Variants in RAB28 observed in about 807,000 individuals in gnomAD.
RAB28 encodes the protein RAB28, member RAS oncogene family.
Under a neutral mutation model 31.7 loss-of-function variants are expected in RAB28, and 24 were observed. The ratio of observed to expected loss-of-function variants is 0.76; its 90% confidence interval spans 0.55 to 1.06. The LOEUF (loss-of-function observed/expected upper bound fraction) is 1.06. Ranked by LOEUF, RAB28 falls within the 50% of genes least tolerant of loss-of-function variation. The pLI is 0.00. For synonymous variants in RAB28, 100 were observed against 90.4 expected, an observed-to-expected ratio of 1.11 and a Z score of -0.60; for missense variants, 254 against 258.5, an observed-to-expected ratio of 0.98 and a Z score of 0.12.
chr4:13,431,328 T>C (rs1054646161), intron 4 of RAB28, among the ~76,000 whole-genome samples: 2 of 152,070 alleles, frequency 1.3e-5, no homozygotes, highest in African/African-American at 4.8e-5. Context: ...CAAATCACAT[T>C]CCTAAGGGCT....
rs534139747 is a variant in RAB28 at position 13,398,679 on chromosome 4, G to A, written c.392-17085C>T. 2.6e-5 allele frequency among the ~76,000 whole-genome samples: 4 copies of A among 151,966 alleles called. No homozygotes were observed. In the South Asian group the frequency reaches 8.3e-4, roughly 32 times the overall value. On this transcript the variant is annotated intron_variant, in intron 4 of 6. Transcript: ENST00000330852. The stretch of plus-strand genomic sequence containing the variant: ...TGTAGTCCCAGCTACTCGGGAGGCT[G>A]AGGCAGGAGAACGGCGTGAACCTGG...
intron 4 of RAB28, among the ~76,000 whole-genome samples, chr4:13,422,443 G>A (rs1036600254): frequency 2.6e-5 from 4 of 152,118 alleles, no homozygotes; most frequent in African/African-American, 9.7e-5. Flanking sequence ...AAAGACACAT[G>A]CACACCTATG....
chr4:13,441,605 G>A (rs755123153), intron 4 of RAB28, among the ~76,000 whole-genome samples: 42 of 152,292 alleles, frequency 2.8e-4, no homozygotes, highest in Non-Finnish European at 5.6e-4. Flanking sequence ...TGCAGTTAAT[G>A]ATCTGTGACA....
intron 4 of RAB28, among the ~76,000 whole-genome samples, chr4:13,388,525 A>G (rs984552207): frequency 2.0e-5 from 3 of 152,090 alleles, no homozygotes; most frequent in Non-Finnish European, 4.4e-5. Context: ...GAACAGGGCC[A>G]CATCAAACTT....
At chr4:13,463,503 G>A (rs567913147) in intron 3 of RAB28, among the ~76,000 whole-genome samples, 1 of 152,236 alleles carries the variant, frequency 6.6e-6, no homozygotes, top group South Asian at 2.1e-4. Flanking sequence ...TACAACTGCA[G>A]AGCTGAGTGG....
intron 4 of RAB28, among the ~76,000 whole-genome samples, chr4:13,382,750 G>A (rs915199882): frequency 7.0e-6 from 1 of 142,528 alleles, no homozygotes; most frequent in African/African-American, 2.6e-5. Context: ...CCGGGCTGGA[G>A]TGCAATGGCA....
intron 4 of RAB28, among the ~76,000 whole-genome samples, chr4:13,402,653 T>C (rs1039064450): frequency 1.3e-5 from 2 of 152,196 alleles, no homozygotes; most frequent in Non-Finnish European, 2.9e-5. Flanking sequence ...CTGTATATAG[T>C]AGTCGGGTCT....
intron 6 of RAB28, among the ~76,000 whole-genome samples, chr4:13,374,291 A>T (rs1303636607): frequency 6.6e-6 from 1 of 152,106 alleles, no homozygotes; most frequent in Non-Finnish European, 1.5e-5. Context: ...GAGGGTAGGG[A>T]ACTATGTAGT....
intron 4 of RAB28, among the ~76,000 whole-genome samples, chr4:13,383,748 T>C (rs914584562): frequency 6.6e-6 from 1 of 152,186 alleles, no homozygotes; most frequent in Admixed American, 6.5e-5. Flanking sequence ...TATAGTTTTA[T>C]AAAGGGCAGT....
chr4:13,387,848 A>G (rs557312719), intron 4 of RAB28, among the ~76,000 whole-genome samples: 1 of 152,190 alleles, frequency 6.6e-6, no homozygotes, highest in Non-Finnish European at 1.5e-5. Flanking sequence ...CAGACAAAGT[A>G]TATGTGCTTC....
At chr4:13,444,371 T>G (rs1228723293) in intron 4 of RAB28, among the ~76,000 whole-genome samples, 2 of 151,974 alleles carry the variant, frequency 1.3e-5, no homozygotes, top group African/African-American at 4.8e-5. Flanking sequence ...CGTGTGCGTG[T>G]GTGTATACAA....
At chr4:13,399,778 A>G (rs1392493139) in intron 4 of RAB28, among the ~76,000 whole-genome samples, 1 of 152,106 alleles carries the variant, frequency 6.6e-6, no homozygotes, top group East Asian at 1.9e-4. Flanking sequence ...GTAGATTTGA[A>G]AAAGTATACC....
intron 4 of RAB28, among the ~76,000 whole-genome samples, chr4:13,453,719 C>A (rs977776443): frequency 6.6e-5 from 10 of 152,016 alleles, no homozygotes; most frequent in Admixed American, 6.6e-4. Flanking sequence ...CTAGCAATTC[C>A]CTTATATGTG....
At chr4:13,465,085 T>C (rs774587109) in intron 3 of RAB28, among the ~76,000 whole-genome samples, 1 of 151,796 alleles carries the variant, frequency 6.6e-6, no homozygotes, top group Non-Finnish European at 1.5e-5. Flanking sequence ...GACAGGATAA[T>C]AGAAACTTCT....
At chr4:13,396,720 T>C (rs921225652) in intron 4 of RAB28, among the ~76,000 whole-genome samples, 22 of 152,084 alleles carry the variant, frequency 1.4e-4, no homozygotes, top group African/African-American at 5.3e-4. Flanking sequence ...TTTACATTTC[T>C]TTATAAGATG....
intron 4 of RAB28, among the ~76,000 whole-genome samples, chr4:13,435,492 C>G (rs1026165909): frequency 6.6e-6 from 1 of 151,542 alleles, no homozygotes; most frequent in Non-Finnish European, 1.5e-5. Context: ...GATAAATTAA[C>G]CAAGAAGAAA....
intron 4 of RAB28, among the ~76,000 whole-genome samples, chr4:13,444,666 C>T (rs968767327): frequency 1.3e-5 from 2 of 152,194 alleles, no homozygotes; most frequent in African/African-American, 4.8e-5. Context: ...CCAATACTTA[C>T]CTTTTGTCTT....
intron 4 of RAB28, among the ~76,000 whole-genome samples, chr4:13,419,972 G>T (rs566695092): frequency 1.3e-5 from 2 of 152,022 alleles, no homozygotes; most frequent in East Asian, 1.9e-4. Context: ...CCAGGAGCTG[G>T]TTTTTTCAAA....
chr4:13,451,353 G>A (rs1203465143), intron 4 of RAB28, among the ~76,000 whole-genome samples: 5 of 147,918 alleles, frequency 3.4e-5, no homozygotes, highest in Admixed American at 1.3e-4. Context: ...TGTCTGTTCA[G>A]ATCATTTGCC....
Sources: allele counts gnomAD v4.1 joint callset (sites outside exome capture counted in the v4.1 genomes callset), GRCh38; gene constraint gnomAD v4.1.1; transcripts MANE v1.5; gene names NCBI Gene and HGNC (gene_info 2026-07-23, HGNC 2026-07-21).